Variants in CYTIP observed in about 807,000 individuals in gnomAD.
CYTIP encodes the protein cytohesin-interacting protein.
Under a neutral mutation model 43.8 loss-of-function variants are expected in CYTIP, and 26 were observed. That is an observed-to-expected ratio of 0.59 (90% CI 0.44 to 0.82). The LOEUF (loss-of-function observed/expected upper bound fraction) is 0.82. CYTIP is among the 40% of genes least tolerant of loss of function. CYTIP has a pLI of 0.00. For missense variants in CYTIP, 426 were observed against 443.1 expected, an observed-to-expected ratio of 0.96 and a Z score of 0.35; for synonymous variants, 162 against 162.9, an observed-to-expected ratio of 0.99 and a Z score of 0.04.
chr2:157,439,905 A>G (rs541691076), intron 1 of CYTIP, among the ~76,000 whole-genome samples: 42 of 152,338 alleles, frequency 2.8e-4, no homozygotes, highest in African/African-American at 9.9e-4. Flanking sequence ...CTTCAGTGGG[A>G]AACCAAGACC....
chr2:157,415,943 C>T lies in CYTIP; in HGVS notation c.814G>A (p.Gly272Ser). 6.2e-7 allele frequency: 1 copy of T among 1,614,192 alleles called. No homozygotes were observed. Among genetic ancestry groups the T allele is most frequent in the African/African-American group, 1.3e-5 (1 of 75,046 alleles). The change falls in exon 8 of 8, where the codon GGT becomes AGT. Residue 272 changes from glycine to serine, a missense_variant. Transcript: ENST00000264192. ...QTCVSEDSSRGAFSRQTSTDD... is the reference protein window; with the variant it reads ...QTCVSEDSSRSAFSRQTSTDD... ...GTACTCGTCTGCCGACTGAAGGCAC[C>T]CCTGCTGGAGTCCTCAGACACACAC...
At chr2:157,416,983 G>A (rs1382980867) in intron 7 of CYTIP, among the ~76,000 whole-genome samples, 1 of 146,472 alleles carries the variant, frequency 6.8e-6, no homozygotes, top group Non-Finnish European at 1.5e-5. Flanking sequence ...GTGTGTGTGA[G>A]AGAGAGAGAG....
Position 157,415,831 on chromosome 2 carries a change from C to T in CYTIP, c.926G>A (p.Ser309Asn), listed in dbSNP as rs1161339619. 6.2e-7 allele frequency: 1 copy of T among 1,614,232 alleles called. No individual in the cohort carries two copies. Residue 309 changes from serine (S) to asparagine (N), a missense_variant, in exon 8 of 8, where the codon AGC becomes AAC. Coordinates refer to ENST00000264192, the MANE Select transcript of CYTIP (RefSeq NM_004288.5). The stretch of plus-strand genomic sequence containing the variant: ...CCACAAGGGAGACATGGATCCGCTG[C>T]TGGTGTTACTGATGCTCCGGTTCCT... Reference protein sequence around the residue: ...SRRNRSISNTSSGSMSPLWEG... With the variant: ...SRRNRSISNTNSGSMSPLWEG...
chr2:157,433,250 A>G (rs1009144892), intron 3 of CYTIP, among the ~76,000 whole-genome samples: 14 of 152,314 alleles, frequency 9.2e-5, no homozygotes, highest in Non-Finnish European at 1.8e-4. Context: ...AGGGAGCACT[A>G]TGCTTCTAAA....
In CYTIP at chr2:157,415,963, A is replaced by G. The variant is rs1685433125; in HGVS notation, c.794T>C (p.Val265Ala). 1 of 1,614,232 alleles carries G rather than the reference A, an allele frequency of 6.2e-7. No individual in the cohort carries two copies. The highest frequency in any genetic ancestry group is 8.5e-7 in the Non-Finnish European group (1 of 1,180,030). The stretch of plus-strand genomic sequence containing the variant: ...GGCACCCCTGCTGGAGTCCTCAGAC[A>G]CACACGTCTGGTAGCCATCTTCACT... ...MDSEDGYQTCVSEDSSRGAFS... is the reference protein window; with the variant it reads ...MDSEDGYQTCASEDSSRGAFS... The change falls in exon 8 of 8, where the codon GTG becomes GCG. Residue 265 changes from valine (V) to alanine (A), a missense_variant. Val to Ala is a moderately conservative substitution (Grantham distance 64). Transcript: ENST00000264192.
At chr2:157,420,273 T>C (rs1327538938) in intron 6 of CYTIP, among the ~76,000 whole-genome samples, 1 of 152,128 alleles carries the variant, frequency 6.6e-6, no homozygotes, top group African/African-American at 2.4e-5. Flanking sequence ...CCCAATACTT[T>C]GGGAGGCTGA....
At chr2:157,443,710 A>G (rs1685951805) in intron 1 of CYTIP, 137 bp downstream of exon 1, 1 of 910,220 alleles carries the variant, frequency 1.1e-6, no homozygotes, top group Admixed American at 3.0e-5. Flanking sequence ...TGAGCATCTC[A>G]CCTCCTTCAC....
At chr2:157,432,815 C>T (rs1490560682) in intron 3 of CYTIP, among the ~76,000 whole-genome samples, 1 of 152,140 alleles carries the variant, frequency 6.6e-6, no homozygotes, top group Non-Finnish European at 1.5e-5. Context: ...TTGTTAACTG[C>T]TGCAAATCTG....
chr2:157,429,000 C>T (rs1685656323), intron 5 of CYTIP, among the ~76,000 whole-genome samples: 1 of 152,210 alleles, frequency 6.6e-6, no homozygotes, highest in South Asian at 2.1e-4. Flanking sequence ...AGTTATGTGA[C>T]CTTAACTAAG....
intron 6 of CYTIP, among the ~76,000 whole-genome samples, chr2:157,420,636 G>A (rs1168466773): frequency 7.2e-6 from 1 of 138,210 alleles, no homozygotes; most frequent in African/African-American, 2.8e-5. Context: ...GGGCAATAGG[G>A]TAAGACCCTG....
At position 157,415,992 on chromosome 2, in the gene CYTIP, C is replaced by G. The variant is rs140145189; in HGVS notation, c.765G>C (p.Met255Ile). ...ACGTCTGGTAGCCATCTTCACTGTC[C>G]ATCGTCATGGAGCTCAGCCAGCTCT... ...SCKSWLSSMT[M>I]DSEDGYQTCV... Residue 255 changes from methionine (M) to isoleucine (I), a missense_variant, in exon 8 of 8, where the codon ATG becomes ATC. Physicochemically the swap from Met to Ile is conservative, Grantham distance 10 (BLOSUM62 1). Transcript: ENST00000264192. The G allele has an allele frequency of 1.9e-6, 3 of 1,614,092 alleles. No individual in the cohort carries two copies. In the African/African-American group the frequency reaches 4.0e-5, roughly 22 times the overall value.
chr2:157,414,697 A>C lies in CYTIP; in HGVS notation c.*980T>G, dbSNP rs527827583. On this transcript the variant is annotated 3_prime_UTR_variant, in exon 8 of 8. Transcript: ENST00000264192. Reference sequence around the variant, plus strand: ...AGGTTATGAATAGCTGTGCCACCAGAACAGAGAATTCATAGACTTCAATGG... The same window carrying C: ...AGGTTATGAATAGCTGTGCCACCAGCACAGAGAATTCATAGACTTCAATGG... 6.6e-6 allele frequency: 1 copy of C among 152,266 alleles called. No homozygotes were observed. The highest frequency in any genetic ancestry group is 2.1e-4 in the South Asian group (1 of 4,822). The allele number at this position is 152,266 out of a possible 1,614,324, so 9.4% of individuals were successfully genotyped here.
chr2:157,435,307 G>T (rs960289393), intron 1 of CYTIP, among the ~76,000 whole-genome samples: 5 of 152,050 alleles, frequency 3.3e-5, no homozygotes, highest in African/African-American at 1.2e-4. Flanking sequence ...TTTTTAGTAG[G>T]ATAAAATAAT....
intron 1 of CYTIP, among the ~76,000 whole-genome samples, chr2:157,437,631 C>T (rs894231628): frequency 4.2e-5 from 6 of 142,568 alleles, no homozygotes; most frequent in African/African-American, 1.3e-4. Context: ...ACCCGGGCGG[C>T]GGAGGTTGCA....
chr2:157,443,197 C>T (rs1051530284), intron 1 of CYTIP, among the ~76,000 whole-genome samples: 31 of 152,110 alleles, frequency 2.0e-4, no homozygotes, highest in African/African-American at 7.2e-4. Flanking sequence ...ATTTAACCAA[C>T]ATAAGAACCC....
intron 5 of CYTIP, among the ~76,000 whole-genome samples, chr2:157,430,134 C>T (rs1685687069): frequency 6.6e-6 from 1 of 151,650 alleles, no homozygotes; most frequent in Non-Finnish European, 1.5e-5. Context: ...AAATGGAACA[C>T]TAGAAGAGAA....
At chr2:157,440,300 C>T (rs1050866556) in intron 1 of CYTIP, among the ~76,000 whole-genome samples, 1 of 152,158 alleles carries the variant, frequency 6.6e-6, no homozygotes, top group Non-Finnish European at 1.5e-5. Context: ...TGGAGCTGAA[C>T]TTAATTTCCT....
In CYTIP at chr2:157,417,787, AATTG is replaced by A. The variant is rs1274901862; in HGVS notation, c.613+732_613+735del. 1.2e-4 allele frequency among the ~76,000 whole-genome samples: 18 copies of A among 152,210 alleles called. No homozygotes were observed. The East Asian group carries it at 3.1e-3, about 26-fold the overall frequency. ...AAATTGTTATCTTTTTTGGTAAACA[AATTG>A]ATTATCACTTTTAACAGATATTCTA... is the stretch of plus-strand genomic sequence containing the variant. On this transcript the variant is annotated intron_variant, in intron 7 of 7. Coordinates refer to ENST00000264192, the MANE Select transcript of CYTIP (RefSeq NM_004288.5).
At chr2:157,430,510 G>A (rs767200421) in intron 5 of CYTIP, 49 bp downstream of exon 5, 7 of 1,514,018 alleles carry the variant, frequency 4.6e-6, no homozygotes, top group African/African-American at 4.1e-5. Context: ...CAGGCTTTAT[G>A]AGAAAACATA....
Sources: gnomAD v4.1 joint callset for allele counts (sites outside exome capture counted in the v4.1 genomes callset) on GRCh38, gnomAD v4.1.1 for gene constraint, MANE v1.5 for transcripts, NCBI Gene and HGNC (gene_info 2026-07-23, HGNC 2026-07-21) for gene names.